The following CDH13 variants were observed in gnomAD, a reference collection of about 807,000 sequenced individuals.
CDH13 encodes cadherin-13.
Under a neutral mutation model 63.8 loss-of-function variants are expected in CDH13, and 24 were observed. The ratio of observed to expected loss-of-function variants is 0.38; its 90% CI spans 0.27 to 0.53. The LOEUF (loss-of-function observed/expected upper bound fraction) is 0.53, where lower values mean the gene tolerates loss of function less well. Ranked by LOEUF, CDH13 falls within the 20% of genes least tolerant of loss-of-function variation. The pLI is 0.85. For missense variants in CDH13, 1,049 were observed against 903.1 expected (o/e 1.16, Z -2.07); for synonymous variants, 503 against 355.3 (o/e 1.42, Z -4.67).
chr16:83,369,094 C>T (rs1429674387), intron 6 of CDH13, among the ~76,000 whole-genome samples: 1 of 151,196 alleles, frequency 6.6e-6, no homozygotes, highest in East Asian at 1.9e-4. Context: ...AGCAGGATTG[C>T]TGGATCAAAC....
At chr16:82,752,285 C>G (rs1032787836) in intron 1 of CDH13, among the ~76,000 whole-genome samples, 1 of 152,150 alleles carries the variant, frequency 6.6e-6, no homozygotes, top group Admixed American at 6.5e-5. Context: ...GGACTGTTAA[C>G]TTCTGTTCAA....
chr16:82,630,688 CT>C (rs1907900111), intron 1 of CDH13, among the ~76,000 whole-genome samples: 1 of 152,180 alleles, frequency 6.6e-6, no homozygotes, highest in Non-Finnish European at 1.5e-5. Flanking sequence ...TGAAAACATC[CT>C]TATTTCCTTC....
chr16:83,625,228 ATG>A (rs148899149), intron 8 of CDH13, among the ~76,000 whole-genome samples: 4 of 146,064 alleles, frequency 2.7e-5, no homozygotes, highest in Admixed American at 6.8e-5. Flanking sequence ...ACGTGTGTCT[ATG>A]TGTGTGTGTG....
rs1167265139 is a variant in CDH13 at position 82,644,577 on chromosome 16, G to A, written c.45+17440G>A. The stretch of plus-strand genomic sequence containing the variant: ...CACGAGTTTGGGTGCTGGAAGGGGA[G>A]GCTTTATGGAGGCAAAGCTGAGGGG... On this transcript the variant is annotated intron_variant, in intron 1 of 13. Transcript: ENST00000567109. This position sits in a 1 kb window ranked among gnomAD's most constrained non-coding sequence, Gnocchi z 5.7. Among the ~76,000 whole-genome samples, 1 of 152,186 alleles carries A rather than the reference G, an allele frequency of 6.6e-6. No homozygotes were observed. Among genetic ancestry groups the A allele is most frequent in the East Asian group, 1.9e-4 (1 of 5,186 alleles).
chr16:83,255,536 A>C (rs530542396), intron 5 of CDH13, among the ~76,000 whole-genome samples: 2 of 152,188 alleles, frequency 1.3e-5, no homozygotes, highest in Non-Finnish European at 2.9e-5. Context: ...CGTGTCCCGC[A>C]GACTTGATTA....
rs1319816076 is a variant in CDH13, at chr16:83,783,262, G to A, written c.1924G>A (p.Ala642Thr). ...WKISKINNTH[A>T]LVSLLQNLNK... ...CCTCCTTGCCTTTACAGATACACAC[G>A]CCCTGGTAAGCCTTCTTCAAAATCT... Residue 642 changes from alanine (A) to threonine (T), a missense_variant, in exon 13 of 14, where the codon GCC becomes ACC. Coordinates refer to ENST00000567109, the MANE Select transcript of CDH13 (RefSeq NM_001257.5). 4.3e-6 allele frequency: 7 copies of A among 1,612,842 alleles called. No homozygotes were observed. The highest frequency in any genetic ancestry group is 2.2e-5 in the East Asian group (1 of 44,884).
chr16:83,429,773 T>C (rs1054707835), intron 6 of CDH13, among the ~76,000 whole-genome samples: 2 of 152,194 alleles, frequency 1.3e-5, no homozygotes, highest in Non-Finnish European at 2.9e-5. Flanking sequence ...TATTTTATTT[T>C]ATTGTGGTAA....
chr16:83,033,914 CT>C (rs1916611877), intron 3 of CDH13, among the ~76,000 whole-genome samples: 1 of 152,120 alleles, frequency 6.6e-6, no homozygotes, highest in Admixed American at 6.6e-5. Context: ...TTCACAGCCC[CT>C]AATTCACATC....
At chr16:83,268,574 A>G (rs1567551932) in intron 5 of CDH13, among the ~76,000 whole-genome samples, 1 of 152,210 alleles carries the variant, frequency 6.6e-6, no homozygotes, top group Non-Finnish European at 1.5e-5. Context: ...CATGTTGTAG[A>G]CAAAGTCTAC....
chr16:82,871,761 A>T (rs922344326), intron 2 of CDH13, among the ~76,000 whole-genome samples: 6 of 152,166 alleles, frequency 3.9e-5, no homozygotes, highest in African/African-American at 1.4e-4. Flanking sequence ...TAGATGCATT[A>T]ATGATATCCT....
At chr16:83,399,162 C>T (rs943900560) in intron 6 of CDH13, among the ~76,000 whole-genome samples, 14 of 152,196 alleles carry the variant, frequency 9.2e-5, no homozygotes, top group African/African-American at 2.2e-4. Flanking sequence ...TAATTCTGGA[C>T]TCAGATCCTG....
At chr16:83,136,503 A>AG (rs1249575382) in intron 4 of CDH13, among the ~76,000 whole-genome samples, 121 of 149,770 alleles carry the variant, frequency 8.1e-4, no homozygotes, top group Admixed American at 1.9e-3. Flanking sequence ...AAAAAAAAAA[A>AG]AAAAGAAATA....
chr16:83,740,961 C>T (rs1912001924), intron 10 of CDH13, among the ~76,000 whole-genome samples: 1 of 152,184 alleles, frequency 6.6e-6, no homozygotes, highest in Non-Finnish European at 1.5e-5. Flanking sequence ...ATAGAAAATG[C>T]AGGTAGAAAG....
intron 1 of CDH13, among the ~76,000 whole-genome samples, chr16:82,799,884 C>A (rs183499003): frequency 8.7e-4 from 133 of 152,256 alleles, no homozygotes; most frequent in Non-Finnish European, 1.0e-3. Context: ...AACCCACTAC[C>A]AGGCTTTTAG....
chr16:82,822,318 A>G (rs756776966), intron 1 of CDH13, among the ~76,000 whole-genome samples: 42 of 152,214 alleles, frequency 2.8e-4, no homozygotes, highest in Non-Finnish European at 4.7e-4. Flanking sequence ...GAATAGGGCT[A>G]TAGGCTATTT....
chr16:83,364,442 A>T (rs1021251322), intron 6 of CDH13, among the ~76,000 whole-genome samples: 14 of 152,186 alleles, frequency 9.2e-5, no homozygotes, highest in African/African-American at 2.9e-4. Flanking sequence ...AGGAGTTCTC[A>T]TTTACAGATA....
chr16:83,747,279 G>T (rs1376873196), intron 10 of CDH13, among the ~76,000 whole-genome samples: 1 of 152,188 alleles, frequency 6.6e-6, no homozygotes. Context: ...GACCCTGTGG[G>T]AGGTAATCGA....
At chr16:83,440,681 A>G (rs1352598460) in intron 6 of CDH13, among the ~76,000 whole-genome samples, 1 of 150,674 alleles carries the variant, frequency 6.6e-6, no homozygotes, top group East Asian at 2.0e-4. Context: ...GCTACTCAGG[A>G]GGCTGCGGCA....
At chr16:83,201,290 T>A (rs986479577) in intron 4 of CDH13, among the ~76,000 whole-genome samples, 1 of 152,124 alleles carries the variant, frequency 6.6e-6, no homozygotes, top group Non-Finnish European at 1.5e-5. Flanking sequence ...AGTTTATATT[T>A]AAATGGTAAA....
Sources: gnomAD v4.1 joint callset for allele counts (sites outside exome capture counted in the v4.1 genomes callset) on GRCh38, gnomAD v4.1.1 for gene constraint, Gnocchi (gnomAD v3.1) non-coding constraint, MANE v1.5 for transcripts, NCBI Gene and HGNC (gene_info 2026-07-23, HGNC 2026-07-21) for gene names.